Variants in ZMIZ1 observed in about 807,000 individuals in gnomAD.
ZMIZ1 encodes the protein zinc finger MIZ domain-containing protein 1.
In ZMIZ1, 17 loss-of-function variants were observed where a neutral mutation model predicts 113.9. The ratio of observed to expected loss-of-function variants is 0.15; its 90% confidence interval spans 0.10 to 0.22. The LOEUF (loss-of-function observed/expected upper bound fraction) is 0.22. Among genes scored for constraint, ZMIZ1 ranks in the 10% least tolerant of loss-of-function variants. ZMIZ1 has a pLI of 1.00. For missense variants in ZMIZ1, 1,059 were observed against 1,477.8 expected (o/e 0.72, Z 4.65); for synonymous variants, 607 against 603.1 (o/e 1.01, Z -0.09).
intron 6 of ZMIZ1, among the ~76,000 whole-genome samples, chr10:79,209,798 T>A (rs1848464919): frequency 6.6e-6 from 1 of 152,232 alleles, no homozygotes. Flanking sequence ...AAACTGAGAC[T>A]TTTAACTGAC....
chr10:79,298,550 C>G lies in ZMIZ1; in HGVS notation c.1636C>G (p.Pro546Ala). ...VKPPFPPDIK[P>A]NMSALPPPPA... ...ACCACCCTTCCCGCCTGACATCAAG[C>G]CAAATATGAGCGCTCTGCCACCACC... The change falls in exon 15 of 25, where the codon CCA (proline) becomes GCA (alanine). Residue 546 changes from proline (P) to alanine (A), a missense_variant. Physicochemically the swap from Pro to Ala is conservative, Grantham distance 27. Around this residue, in one of 6 missense-constraint regions of ZMIZ1, gnomAD observed 239 missense variants for 247.5 expected, o/e 0.97. Coordinates refer to ENST00000334512, the MANE Select transcript of ZMIZ1 (RefSeq NM_020338.4). The G allele has an allele frequency of 6.2e-7, 1 of 1,602,320 alleles. No homozygotes were observed. Among genetic ancestry groups the G allele is most frequent in the Admixed American group, 1.7e-5 (1 of 58,192 alleles).
chr10:79,175,961 AAAAC>A (rs770617682), intron 4 of ZMIZ1, among the ~76,000 whole-genome samples: 6 of 152,046 alleles, frequency 3.9e-5, no homozygotes, highest in South Asian at 2.1e-4. Context: ...GTTTGTGAAT[AAAAC>A]AAACAAACAA....
intron 5 of ZMIZ1, among the ~76,000 whole-genome samples, chr10:79,203,850 G>A (rs1259601133): frequency 1.3e-5 from 2 of 152,218 alleles, no homozygotes; most frequent in South Asian, 2.1e-4. Flanking sequence ...ACCAGCACAT[G>A]CCAGAGCCCA....
chr10:79,074,466 T>TAA (rs2132158310), intron 1 of ZMIZ1, among the ~76,000 whole-genome samples: 1 of 152,352 alleles, frequency 6.6e-6, no homozygotes, highest in African/African-American at 2.4e-5. Flanking sequence ...CACAGTGTCT[T>TAA]ACAGCCAGAG....
At chr10:79,265,387 G>A (rs1167598336) in intron 7 of ZMIZ1, among the ~76,000 whole-genome samples, 1 of 152,084 alleles carries the variant, frequency 6.6e-6, no homozygotes, top group Non-Finnish European at 1.5e-5. Flanking sequence ...AGCTTGTGTG[G>A]GGACCGGGGG....
chr10:79,148,514 C>T (rs2132441898), intron 3 of ZMIZ1, among the ~76,000 whole-genome samples: 1 of 152,310 alleles, frequency 6.6e-6, no homozygotes, highest in African/African-American at 2.4e-5. Context: ...TGGAAGAGTC[C>T]CACAGGCTCG....
At chr10:79,230,715 G>T (rs1303730161) in intron 7 of ZMIZ1, among the ~76,000 whole-genome samples, 1 of 152,248 alleles carries the variant, frequency 6.6e-6, no homozygotes, top group Non-Finnish European at 1.5e-5. Context: ...CATGCTGGAT[G>T]CGGTGGAGGT....
intron 7 of ZMIZ1, among the ~76,000 whole-genome samples, chr10:79,265,511 T>C (rs558617801): frequency 3.5e-5 from 5 of 141,574 alleles, no homozygotes; most frequent in African/African-American, 1.4e-4. Flanking sequence ...CAAGTGATGG[T>C]GATAGAGGTA....
intron 1 of ZMIZ1, among the ~76,000 whole-genome samples, chr10:79,078,719 A>ATTT (rs10673987): frequency 5.6e-5 from 7 of 125,078 alleles, no homozygotes; most frequent in African/African-American, 1.6e-4. Flanking sequence ...TAATTTTTGT[A>ATTT]TTTTTTTTTT....
At chr10:79,259,442 T>C (rs1851121410) in intron 7 of ZMIZ1, among the ~76,000 whole-genome samples, 1 of 152,170 alleles carries the variant, frequency 6.6e-6, no homozygotes, top group African/African-American at 2.4e-5. Flanking sequence ...GTGTGGCTTC[T>C]TCTGTTCCAT....
intron 7 of ZMIZ1, among the ~76,000 whole-genome samples, chr10:79,249,270 A>ATCCAGGATCCAGCGCTG (rs1850397527): frequency 6.6e-6 from 1 of 152,186 alleles, no homozygotes; most frequent in South Asian, 2.1e-4. Context: ...TCCTGTGCAC[A>ATCCAGGATCCAGCGCTG]TCCAGGATCC....
intron 7 of ZMIZ1, among the ~76,000 whole-genome samples, chr10:79,219,388 A>T (rs973751195): frequency 1.3e-5 from 2 of 152,196 alleles, no homozygotes; most frequent in Non-Finnish European, 2.9e-5. Flanking sequence ...ACATTTATGG[A>T]TGAAAAAATG....
intron 4 of ZMIZ1, 118 bp downstream of exon 4, chr10:79,162,251 C>A (rs966092777): frequency 1.3e-5 from 5 of 396,990 alleles, no homozygotes; most frequent in Non-Finnish European, 2.2e-5. Flanking sequence ...CCCTGAGGGG[C>A]AGGAGCGGGC....
chr10:79,300,418 C>T (rs560432407), intron 16 of ZMIZ1, among the ~76,000 whole-genome samples: 117 of 152,280 alleles, frequency 7.7e-4, no homozygotes, highest in African/African-American at 2.6e-3. Context: ...GTTCATTTGC[C>T]CCTCTGTCTC....
chr10:79,269,586 T>C (rs1434852333), intron 7 of ZMIZ1, among the ~76,000 whole-genome samples: 1 of 152,126 alleles, frequency 6.6e-6, no homozygotes, highest in Non-Finnish European at 1.5e-5. Context: ...GGCTGCAGTG[T>C]GTTCGATGAC....
At chr10:79,208,047 A>G (rs2132679772) in intron 5 of ZMIZ1, among the ~76,000 whole-genome samples, 1 of 132,710 alleles carries the variant, frequency 7.5e-6, no homozygotes, top group Admixed American at 7.9e-5. Flanking sequence ...TGGGGTGGGG[A>G]TGGGGGTAGA....
At chr10:79,109,804 G>A (rs1843675498) in intron 1 of ZMIZ1, among the ~76,000 whole-genome samples, 1 of 152,224 alleles carries the variant, frequency 6.6e-6, no homozygotes, top group South Asian at 2.1e-4. Flanking sequence ...CCTGCAAAAT[G>A]GTCTTAGCAA....
intron 5 of ZMIZ1, 109 bp downstream of exon 5, chr10:79,201,801 C>T: frequency 8.2e-7 from 1 of 1,217,148 alleles, no homozygotes; most frequent in Non-Finnish European, 1.2e-6. Flanking sequence ...CTCCTGACCA[C>T]CTACCTATCG....
intron 9 of ZMIZ1, 59 bp downstream of exon 9, chr10:79,289,948 C>T (rs1042054708): frequency 1.2e-5 from 18 of 1,526,500 alleles, no homozygotes; most frequent in Non-Finnish European, 1.4e-5. Flanking sequence ...TCCCTTGACC[C>T]CTGGAGCCAT....
Sources: allele counts gnomAD v4.1 joint callset (sites outside exome capture counted in the v4.1 genomes callset), GRCh38; gene constraint gnomAD v4.1.1; regional missense constraint gnomAD v4.1.1; transcripts MANE v1.5; gene names NCBI Gene and HGNC (gene_info 2026-07-23, HGNC 2026-07-21).